The following TENM4 variants were observed in gnomAD, a reference collection of about 807,000 sequenced individuals.
TENM4 encodes teneurin-4.
Under a neutral mutation model 243.3 loss-of-function variants are expected in TENM4, and 82 were observed. The ratio of observed to expected loss-of-function variants is 0.34; its 90% confidence interval spans 0.28 to 0.40. The LOEUF is 0.40. TENM4 is among the 10% of genes least tolerant of loss of function. The pLI is 1.00. For synonymous variants in TENM4, 1,412 were observed against 1,456.3 expected, an observed-to-expected ratio of 0.97 and a Z score of 0.69; for missense variants, 3,138 against 3,673.3, an observed-to-expected ratio of 0.85 and a Z score of 3.77.
intron 6 of TENM4, among the ~76,000 whole-genome samples, chr11:78,968,444 CT>C (rs1857479443): frequency 6.6e-6 from 1 of 152,228 alleles, no homozygotes; most frequent in South Asian, 2.1e-4. Context: ...GCCACCATGC[CT>C]AGCTAATTTT....
At chr11:79,133,525 A>C (rs1202352033) in intron 4 of TENM4, among the ~76,000 whole-genome samples, 1 of 152,144 alleles carries the variant, frequency 6.6e-6, no homozygotes, top group Non-Finnish European at 1.5e-5. Context: ...ACCCTAACCC[A>C]AAATCAGGAA....
chr11:79,340,740 C>T (rs1345783149), intron 1 of TENM4, among the ~76,000 whole-genome samples: 2 of 152,196 alleles, frequency 1.3e-5, no homozygotes, highest in African/African-American at 4.8e-5. Flanking sequence ...ATCTGGCAAA[C>T]TCCTACTCAT....
chr11:78,992,424 C>A (rs150119066), intron 6 of TENM4, among the ~76,000 whole-genome samples: 2 of 152,154 alleles, frequency 1.3e-5, no homozygotes, highest in Admixed American at 1.3e-4. Context: ...CTCATTTGAC[C>A]AAGGACTCTT....
intron 9 of TENM4, among the ~76,000 whole-genome samples, chr11:78,877,701 CTGT>C (rs1161217308): frequency 6.6e-6 from 1 of 152,110 alleles, no homozygotes; most frequent in African/African-American, 2.4e-5. Flanking sequence ...GCAGCTGCTG[CTGT>C]TATTATTAAA....
At chr11:78,727,547 C>G (rs752910980) in intron 22 of TENM4, among the ~76,000 whole-genome samples, 1 of 151,834 alleles carries the variant, frequency 6.6e-6, no homozygotes, top group Non-Finnish European at 1.5e-5. Context: ...TTATTAACGA[C>G]TATGGTGTTT....
chr11:78,891,256 T>G lies in TENM4; in HGVS notation c.830A>C (p.Asp277Ala), dbSNP rs1450312028. The change falls in exon 8 of 34, where the codon GAT (aspartate) becomes GCT (alanine). Residue 277 changes from aspartate to alanine, a missense_variant. Around this residue, in one of 2 missense-constraint regions of TENM4, gnomAD observed 671 missense variants for 614.1 expected, o/e 1.09. Coordinates refer to ENST00000278550, the MANE Select transcript of TENM4 (RefSeq NM_001098816.3). Reference protein sequence around the residue: ...EMDILGASRHDGAYSDGHFLF... With the variant: ...EMDILGASRHAGAYSDGHFLF... ...CACCTACCCGTCACTGTAAGCCCCA[T>G]CATGGCGGGAGGCGCCGAGAATGTC... The G allele has an allele frequency of 4.5e-6, 7 of 1,551,560 alleles. No individual in the cohort carries two copies. Among genetic ancestry groups the G allele is most frequent in the Non-Finnish European group, 6.1e-6 (7 of 1,147,010 alleles).
chr11:78,907,849 C>A (rs1263871641), intron 6 of TENM4, among the ~76,000 whole-genome samples: 1 of 152,148 alleles, frequency 6.6e-6, no homozygotes, highest in African/African-American at 2.4e-5. Context: ...CCAATTTATA[C>A]CCTCTTCTTA....
chr11:79,148,189 T>C (rs1195021880), intron 4 of TENM4, among the ~76,000 whole-genome samples: 2 of 152,026 alleles, frequency 1.3e-5, no homozygotes, highest in African/African-American at 4.8e-5. Flanking sequence ...AACCAACTTA[T>C]GAGAAATGAT....
At position 79,136,294 on chromosome 11, in the gene TENM4, G is replaced by A. The variant is rs374994403; in HGVS notation, c.-66+12416C>T. On this transcript the variant is annotated intron_variant, in intron 4 of 33. Coordinates refer to ENST00000278550, the MANE Select transcript of TENM4 (RefSeq NM_001098816.3). ...ATCCCATGTAAGTGCTCACCAATGG[G>A]TGACCTCAGCAGAGGAGGATTTTAA... 2.0e-5 allele frequency among the ~76,000 whole-genome samples: 3 copies of A among 152,168 alleles called. No homozygotes were observed. The South Asian group carries it at 6.2e-4, about 31-fold the overall frequency.
At chr11:79,399,637 G>A (rs1378411608) in intron 1 of TENM4, among the ~76,000 whole-genome samples, 2 of 152,018 alleles carry the variant, frequency 1.3e-5, no homozygotes, top group Non-Finnish European at 1.5e-5. Context: ...TTATTAATTT[G>A]ATAACTTGAT....
intron 18 of TENM4, among the ~76,000 whole-genome samples, chr11:78,762,812 G>A (rs1200500955): frequency 1.5e-5 from 2 of 134,340 alleles, no homozygotes; most frequent in African/African-American, 3.5e-5. Flanking sequence ...CTGTTCTACA[G>A]TGAGGGGGAA....
intron 14 of TENM4, among the ~76,000 whole-genome samples, chr11:78,807,796 A>G (rs1334964003): frequency 6.6e-6 from 1 of 152,210 alleles, no homozygotes; most frequent in East Asian, 1.9e-4. Flanking sequence ...GCTGCAGAAG[A>G]AAAAGCTCTC....
At chr11:79,296,146 A>T (rs929025003) in intron 2 of TENM4, among the ~76,000 whole-genome samples, 6 of 152,306 alleles carry the variant, frequency 3.9e-5, no homozygotes, top group African/African-American at 1.4e-4. Flanking sequence ...CTTCATCCTC[A>T]AGAAGTTGTG....
At chr11:79,200,668 T>C (rs893432349) in intron 3 of TENM4, among the ~76,000 whole-genome samples, 2 of 152,220 alleles carry the variant, frequency 1.3e-5, no homozygotes, top group African/African-American at 4.8e-5. Flanking sequence ...AGCTGACACA[T>C]GGATGCCTTT....
chr11:78,667,902 A>G (rs1412030006), intron 32 of TENM4, among the ~76,000 whole-genome samples: 1 of 151,950 alleles, frequency 6.6e-6, no homozygotes, highest in East Asian at 1.9e-4. Flanking sequence ...ACCCCCACCC[A>G]CTCTCTGTGG....
At chr11:79,245,778 A>G (rs1180756832) in intron 2 of TENM4, among the ~76,000 whole-genome samples, 1 of 151,882 alleles carries the variant, frequency 6.6e-6, no homozygotes, top group African/African-American at 2.4e-5. Context: ...TGTCTCTAAT[A>G]CAAATACAAA....
At chr11:79,164,821 A>AG (rs1227445169) in intron 3 of TENM4, among the ~76,000 whole-genome samples, 1 of 151,818 alleles carries the variant, frequency 6.6e-6, no homozygotes, top group East Asian at 1.9e-4. Flanking sequence ...CCAGGTAAGA[A>AG]GTGCCTTTCA....
intron 6 of TENM4, among the ~76,000 whole-genome samples, chr11:78,968,254 T>C (rs545497179): frequency 1.3e-5 from 2 of 152,302 alleles, no homozygotes; most frequent in African/African-American, 4.8e-5. Flanking sequence ...GTGCTGTGCT[T>C]GTATAGCCTG....
intron 6 of TENM4, among the ~76,000 whole-genome samples, chr11:78,977,899 G>T (rs1447946084): frequency 6.6e-6 from 1 of 152,194 alleles, no homozygotes; most frequent in East Asian, 1.9e-4. Flanking sequence ...AAAGACACAT[G>T]CATACATATG....
Sources: allele counts gnomAD v4.1 joint callset (sites outside exome capture counted in the v4.1 genomes callset), GRCh38; gene constraint gnomAD v4.1.1; regional missense constraint gnomAD v4.1.1; transcripts MANE v1.5; gene names NCBI Gene and HGNC (gene_info 2026-07-23, HGNC 2026-07-21).